MAML2: variants seen among roughly 807,000 people sequenced by gnomAD.
MAML2 encodes mastermind like transcriptional coactivator 2.
Under a neutral mutation model 96.1 loss-of-function variants are expected in MAML2, and 22 were observed. The observed-to-expected ratio is 0.23, with a 90% confidence interval of 0.16 to 0.33. The LOEUF is 0.33. MAML2 is among the 10% of genes least tolerant of loss of function. MAML2 has a pLI of 1.00. For synonymous variants in MAML2, 561 were observed against 521.3 expected (o/e 1.08, Z -1.04); for missense variants, 1,367 against 1,392.4 (o/e 0.98, Z 0.29).
intron 2 of MAML2, among the ~76,000 whole-genome samples, chr11:96,068,438 T>TCACACACACACACACACACACGCACA (rs1859278918): frequency 8.3e-6 from 1 of 120,292 alleles, no homozygotes; most frequent in East Asian, 2.7e-4. Context: ...GGAGCTTACT[T>TCACACACACACACACACACACGCACA]CACACACACA....
At chr11:96,137,173 A>G (rs1354670909) in intron 1 of MAML2, among the ~76,000 whole-genome samples, 1 of 152,232 alleles carries the variant, frequency 6.6e-6, no homozygotes, top group Non-Finnish European at 1.5e-5. Context: ...CATGCACTTA[A>G]TATCATAGAA....
At chr11:96,077,219 C>CTCTTTTTTT (rs1555005491) in intron 2 of MAML2, among the ~76,000 whole-genome samples, 3 of 94,122 alleles carry the variant, frequency 3.2e-5, no homozygotes, top group South Asian at 4.0e-4. Flanking sequence ...CTCTCTCTCT[C>CTCTTTTTTT]TTTTTTTTTT....
At chr11:96,253,631 T>A (rs139547020) in intron 1 of MAML2, among the ~76,000 whole-genome samples, 54 of 152,358 alleles carry the variant, frequency 3.5e-4, no homozygotes, top group African/African-American at 1.3e-3. Flanking sequence ...CGCATTTATC[T>A]TTCTCTTTGA....
At chr11:96,113,904 A>T (rs1325387330) in intron 1 of MAML2, among the ~76,000 whole-genome samples, 3 of 152,172 alleles carry the variant, frequency 2.0e-5, no homozygotes, top group Admixed American at 2.0e-4. Context: ...GAAGTCATTC[A>T]TAGAGAGTGT....
intron 2 of MAML2, among the ~76,000 whole-genome samples, chr11:96,044,925 C>T (rs757718086): frequency 1.3e-5 from 2 of 152,218 alleles, no homozygotes; most frequent in Non-Finnish European, 2.9e-5. Context: ...GATATGCCTG[C>T]ACTTAGTGTG....
At position 96,092,925 on chromosome 11, in the gene MAML2, G is replaced by A; in HGVS notation, c.1106C>T (p.Ser369Leu). 10 of 1,609,090 alleles carry A rather than the reference G, an allele frequency of 6.2e-6. No homozygotes were observed. The highest frequency in any genetic ancestry group is 8.5e-6 in the Non-Finnish European group (10 of 1,177,242). Residue 369 changes from serine to leucine, a missense_variant, in exon 2 of 5, where the codon TCA becomes TTA. Ser to Leu is a moderately radical substitution (Grantham distance 145). Coordinates refer to ENST00000524717, the MANE Select transcript of MAML2 (RefSeq NM_032427.4). This position sits in a 1 kb window ranked among gnomAD's most constrained non-coding sequence, Gnocchi z 4.1. ...TGAGGGGCCCTGAGTCAAGCCCGGTGAGTATTCACTTTTGATCACTATTTT... is the reference window on the plus strand; with the variant it reads ...TGAGGGGCCCTGAGTCAAGCCCGGTAAGTATTCACTTTTGATCACTATTTT... ...MEKIVIKSEY[S>L]PGLTQGPSGS...
chr11:96,156,675 T>A (rs1861015949), intron 1 of MAML2, among the ~76,000 whole-genome samples: 1 of 152,220 alleles, frequency 6.6e-6, no homozygotes, highest in South Asian at 2.1e-4. Context: ...ATTAACCAAT[T>A]TCTGAAAGCC....
intron 1 of MAML2, among the ~76,000 whole-genome samples, chr11:96,243,658 T>TC (rs1862469478): frequency 1.3e-5 from 2 of 149,558 alleles, no homozygotes; most frequent in African/African-American, 2.5e-5. Context: ...TCTTTTTCTT[T>TC]TTTTTTTTTT....
At chr11:96,258,965 G>A (rs11021499) in intron 1 of MAML2, among the ~76,000 whole-genome samples, 51,379 of 152,000 alleles carry the variant, frequency 0.34, 9,268 homozygotes, top group South Asian at 0.54. Flanking sequence ...TATTGTGGAG[G>A]CCAAATGGCA....
chr11:96,049,450 C>T (rs1475928444), intron 2 of MAML2, among the ~76,000 whole-genome samples: 1 of 152,086 alleles, frequency 6.6e-6, no homozygotes, highest in African/African-American at 2.4e-5. Context: ...GGAATCTGTT[C>T]CCAGTGTGTT....
At chr11:96,220,113 G>A (rs928027825) in intron 1 of MAML2, among the ~76,000 whole-genome samples, 3 of 152,084 alleles carry the variant, frequency 2.0e-5, no homozygotes, top group East Asian at 3.9e-4. Context: ...GTGTCCATGC[G>A]TTATCAGGCC....
chr11:96,023,157 A>G (rs1035825107), intron 2 of MAML2, among the ~76,000 whole-genome samples: 1 of 152,146 alleles, frequency 6.6e-6, no homozygotes, highest in African/African-American at 2.4e-5. Context: ...CTGGCAGGCC[A>G]CTCAGCCCAC....
chr11:96,169,043 G>A (rs1019541860), intron 1 of MAML2, among the ~76,000 whole-genome samples: 2 of 152,142 alleles, frequency 1.3e-5, no homozygotes, highest in African/African-American at 4.8e-5. Flanking sequence ...AGGCCACTTT[G>A]CTTTTCTGGC....
At chr11:96,025,073 G>A (rs556191076) in intron 2 of MAML2, among the ~76,000 whole-genome samples, 5 of 152,124 alleles carry the variant, frequency 3.3e-5, no homozygotes, top group South Asian at 4.1e-4. Flanking sequence ...AAAAGCAACC[G>A]TTCCACCAAA....
chr11:96,244,434 T>C (rs1035384758), intron 1 of MAML2, among the ~76,000 whole-genome samples: 2 of 152,250 alleles, frequency 1.3e-5, no homozygotes, highest in African/African-American at 4.8e-5. Context: ...CTCTAATGAT[T>C]AGAAAATTAC....
At chr11:96,105,363 A>G (rs1389769118) in intron 1 of MAML2, among the ~76,000 whole-genome samples, 1 of 152,202 alleles carries the variant, frequency 6.6e-6, no homozygotes, top group African/African-American at 2.4e-5. Flanking sequence ...TCAATGCACA[A>G]AAGCATTCTG....
At chr11:96,107,756 G>A (rs75847530) in intron 1 of MAML2, among the ~76,000 whole-genome samples, 2,597 of 152,182 alleles carry the variant, frequency 0.017, 60 homozygotes, top group African/African-American at 0.057. Flanking sequence ...AATCAACCAC[G>A]TCTATGTAAT....
chr11:96,300,365 A>G (rs1490406657), intron 1 of MAML2, among the ~76,000 whole-genome samples: 1 of 152,210 alleles, frequency 6.6e-6, no homozygotes, highest in East Asian at 1.9e-4. Flanking sequence ...AATATAGCAG[A>G]CAGCTACGAC....
intron 2 of MAML2, among the ~76,000 whole-genome samples, chr11:96,017,058 A>T (rs951567784): frequency 1.3e-5 from 2 of 152,220 alleles, no homozygotes; most frequent in Non-Finnish European, 2.9e-5. Context: ...AATACTCAAC[A>T]TGTATTGAGG....
Sources: allele counts gnomAD v4.1 joint callset (sites outside exome capture counted in the v4.1 genomes callset), GRCh38; gene constraint gnomAD v4.1.1; non-coding constraint Gnocchi (gnomAD v3.1); transcripts MANE v1.5; gene names NCBI Gene and HGNC (gene_info 2026-07-23, HGNC 2026-07-21).